GDA: variants seen among roughly 807,000 people sequenced by gnomAD.
GDA encodes the protein guanine deaminase, also known as cytoplasmic PSD-95 interactor.
A neutral mutation model predicts 59.6 loss-of-function variants in GDA; 18 were observed. The observed-to-expected ratio is 0.30, with a 90% CI of 0.21 to 0.45. The LOEUF (loss-of-function observed/expected upper bound fraction) is 0.45, where lower values mean the gene tolerates loss of function less well. GDA is among the 20% of genes least tolerant of loss of function. GDA has a pLI of 1.00. For synonymous variants in GDA, 201 were observed against 201.1 expected (o/e 1.00, Z 0.00); for missense variants, 427 against 552.3 (o/e 0.77, Z 2.27).
chr9:72,227,097 G>A (rs530272957), intron 8 of GDA, among the ~76,000 whole-genome samples: 35 of 152,184 alleles, frequency 2.3e-4, no homozygotes, highest in African/African-American at 5.8e-4. Flanking sequence ...CAGCCTGGGC[G>A]ACAGAGTGAG....
intron 1 of GDA, among the ~76,000 whole-genome samples, chr9:72,175,335 T>C (rs1193078342): frequency 2.0e-5 from 3 of 152,070 alleles, no homozygotes; most frequent in African/African-American, 4.8e-5. Flanking sequence ...CCCAGCCCCA[T>C]TGAGGTTCTA....
At chr9:72,171,628 T>A (rs182280615) in intron 1 of GDA, among the ~76,000 whole-genome samples, 7 of 152,288 alleles carry the variant, frequency 4.6e-5, no homozygotes, top group Non-Finnish European at 8.8e-5. Flanking sequence ...TGTGGGTTTA[T>A]TGTTCACGGC....
At chr9:72,225,476 C>T (rs1287799410) in intron 7 of GDA, among the ~76,000 whole-genome samples, 2 of 152,034 alleles carry the variant, frequency 1.3e-5, no homozygotes, top group African/African-American at 4.8e-5. Context: ...TCATAATATT[C>T]AGTTTCTTTG....
rs779961418 is a variant in GDA at position 72,202,644 on chromosome 9, G to A, written c.286G>A (p.Asp96Asn). 1.2e-6 allele frequency: 2 copies of A among 1,611,412 alleles called. No homozygotes were observed. Among genetic ancestry groups the A allele is most frequent in the Admixed American group, 3.3e-5 (2 of 60,008 alleles). The change falls in exon 3 of 14, where the codon GAC becomes AAC. Residue 96 changes from aspartate to asparagine, a missense_variant. Transcript: ENST00000358399. ...GTATTCCTTTGCTGGAAGTAGCATA[G>A]ACCTGCCACTCTTGGAGTGGCTGAC... ...SQYSFAGSSI[D>N]LPLLEWLTKY...
At chr9:72,197,616 A>G (rs1833351498) in intron 2 of GDA, 1 of 152,098 alleles carries the variant, frequency 6.6e-6, no homozygotes, top group Admixed American at 6.6e-5. Context: ...AATTAAATCC[A>G]TCAGAAATGC....
intron 1 of GDA, among the ~76,000 whole-genome samples, chr9:72,117,386 T>TAAAA (rs1825491268): frequency 6.6e-6 from 1 of 152,112 alleles, no homozygotes; most frequent in East Asian, 1.9e-4. Flanking sequence ...CTTTATAAAA[T>TAAAA]GATAATTTGA....
intron 1 of GDA, among the ~76,000 whole-genome samples, chr9:72,152,235 A>G (rs1206265089): frequency 1.3e-5 from 2 of 152,234 alleles, no homozygotes; most frequent in Admixed American, 6.5e-5. Context: ...GCGAGAGGGC[A>G]CAAAGCTTAC....
At chr9:72,169,416 T>C (rs546976258) in intron 1 of GDA, among the ~76,000 whole-genome samples, 1 of 152,164 alleles carries the variant, frequency 6.6e-6, no homozygotes, top group Non-Finnish European at 1.5e-5. Flanking sequence ...AGGACATAGA[T>C]AAACAAGGAG....
At chr9:72,218,573 G>A (rs1587693088) in intron 5 of GDA, among the ~76,000 whole-genome samples, 1 of 152,320 alleles carries the variant, frequency 6.6e-6, no homozygotes, top group East Asian at 1.9e-4. Context: ...CCATTTCATA[G>A]TCTTTACAGT....
intron 1 of GDA, among the ~76,000 whole-genome samples, chr9:72,136,381 A>C (rs1587319326): frequency 1.3e-5 from 2 of 152,234 alleles, no homozygotes. Flanking sequence ...GATTATGTGA[A>C]ATTCAATATT....
chr9:72,154,356 G>A (rs1440604605), intron 1 of GDA, among the ~76,000 whole-genome samples: 1 of 152,176 alleles, frequency 6.6e-6, no homozygotes, highest in Non-Finnish European at 1.5e-5. Context: ...GAAAATGCCT[G>A]GCACTTAGTG....
chr9:72,135,627 C>T (rs76351661), intron 1 of GDA, among the ~76,000 whole-genome samples: 4,904 of 152,136 alleles, frequency 0.032, 284 homozygotes, highest in African/African-American at 0.11. Flanking sequence ...CGATCAAGCT[C>T]TTGTGACTTT....
At chr9:72,178,775 C>T (rs530942741) in intron 1 of GDA, among the ~76,000 whole-genome samples, 9 of 152,184 alleles carry the variant, frequency 5.9e-5, no homozygotes, top group Admixed American at 3.3e-4. Flanking sequence ...TCCTGGTCCT[C>T]GCTGTAATCA....
chr9:72,248,236 A>G, intron 13 of GDA, 36 bp from the exon 14 acceptor site: 5 of 1,410,694 alleles, frequency 3.5e-6, no homozygotes, highest in Non-Finnish European at 5.0e-6. Flanking sequence ...TTGACACAAA[A>G]GGATTTTATA....
At chr9:72,183,239 G>A (rs541710690) in intron 1 of GDA, among the ~76,000 whole-genome samples, 3 of 152,222 alleles carry the variant, frequency 2.0e-5, no homozygotes, top group South Asian at 4.1e-4. Context: ...GTAAATATAT[G>A]TAAATATATA....
intron 1 of GDA, among the ~76,000 whole-genome samples, chr9:72,161,340 C>T (rs942729709): frequency 5.9e-5 from 9 of 152,176 alleles, no homozygotes; most frequent in Non-Finnish European, 1.0e-4. Flanking sequence ...ATGGTGGGCA[C>T]TCTGATGAAT....
rs536425478 is a variant in GDA, at chr9:72,118,568, T to C, written c.-100+3735T>C. Among the ~76,000 whole-genome samples the C allele has an allele frequency of 4.4e-4, 67 of 152,284 alleles. No individual in the cohort carries two copies. The South Asian group carries it at 8.3e-3, about 19-fold the overall frequency. On this transcript the variant is annotated intron_variant, in intron 1 of 13. Transcript: ENST00000545168. ...GAAAAATAAAGCTCTAGGAGATGCA[T>C]AGAAAAGCCAAACAATTGCACAGAT...
rs1273949524 is a variant in GDA, at chr9:72,213,938, C to T, written c.525C>T (p.Asp175=). 1.2e-6 allele frequency: 2 copies of T among 1,612,092 alleles called. No homozygotes were observed. Among genetic ancestry groups the T allele is most frequent in the South Asian group, 1.1e-5 (1 of 91,032 alleles). The change falls in exon 5 of 14, where the codon GAC becomes GAT. Residue 175 remains aspartate, a synonymous_variant. Transcript: ENST00000358399. ...GCAAAGTTTGCATGGATTTGAATGA[C>T]ACTTTTCCAGAATACAAGGAGACCA... ...FVGKVCMDLN[D]TFPEYKETTE... is the part of the protein sequence containing the mutation.
chr9:72,134,048 G>T (rs1251278571), intron 1 of GDA, among the ~76,000 whole-genome samples: 1 of 152,140 alleles, frequency 6.6e-6, no homozygotes, highest in African/African-American at 2.4e-5. Context: ...AATCATTGGT[G>T]GGACAAACAT....
Sources: allele counts gnomAD v4.1 joint callset (sites outside exome capture counted in the v4.1 genomes callset), GRCh38; gene constraint gnomAD v4.1.1; transcripts MANE v1.5; gene names NCBI Gene and HGNC (gene_info 2026-07-23, HGNC 2026-07-21).